GRIK2: variants seen among roughly 807,000 people sequenced by gnomAD.
GRIK2 encodes glutamate ionotropic receptor kainate type subunit 2.
GRIK2 carries 32 observed loss-of-function variants against 100.3 expected under a neutral mutation model. The ratio of observed to expected loss-of-function variants is 0.32; its 90% CI spans 0.24 to 0.43. The LOEUF (loss-of-function observed/expected upper bound fraction) is 0.43, where lower values mean the gene tolerates loss of function less well. Among genes scored for constraint, GRIK2 ranks in the 20% least tolerant of loss-of-function variants. The pLI is 1.00. For synonymous variants in GRIK2, 417 were observed against 389.4 expected, an observed-to-expected ratio of 1.07 and a Z score of -0.83; for missense variants, 843 against 1,114.9, an observed-to-expected ratio of 0.76 and a Z score of 3.47.
At chr6:101,648,897 A>C (rs1292489339) in intron 4 of GRIK2, among the ~76,000 whole-genome samples, 1 of 152,054 alleles carries the variant, frequency 6.6e-6, no homozygotes, top group Non-Finnish European at 1.5e-5. Context: ...TAAAGGAAAG[A>C]CATGTCTTAC....
At chr6:101,692,870 G>A (rs1772207573) in intron 7 of GRIK2, among the ~76,000 whole-genome samples, 1 of 152,012 alleles carries the variant, frequency 6.6e-6, no homozygotes, top group African/African-American at 2.4e-5. Flanking sequence ...AGTATGTAAT[G>A]AAGTCATAAG....
chr6:101,836,616 TA>T (rs199595576), intron 10 of GRIK2, among the ~76,000 whole-genome samples: 38,498 of 138,742 alleles, frequency 0.28, 8,266 homozygotes, highest in East Asian at 0.69. Context: ...GCTATATATA[TA>T]GTTATATATA....
chr6:101,832,743 C>T (rs774193943), intron 10 of GRIK2, among the ~76,000 whole-genome samples: 1 of 151,992 alleles, frequency 6.6e-6, no homozygotes, highest in Non-Finnish European at 1.5e-5. Flanking sequence ...AATCTTGAAC[C>T]CACTCTTTCA....
chr6:101,562,497 C>A (rs1026882976), intron 2 of GRIK2, among the ~76,000 whole-genome samples: 2 of 149,934 alleles, frequency 1.3e-5, no homozygotes, highest in African/African-American at 5.1e-5. Flanking sequence ...CACCACCAGG[C>A]CTGGCTAATT....
chr6:101,396,091 A>T (rs1027508519), intron 1 of GRIK2, among the ~76,000 whole-genome samples: 10 of 152,146 alleles, frequency 6.6e-5, no homozygotes, highest in African/African-American at 1.9e-4. Flanking sequence ...CTGTGTAAGG[A>T]ATTTATTAAT....
intron 7 of GRIK2, among the ~76,000 whole-genome samples, chr6:101,714,472 A>AG (rs57392197): frequency 4.0e-5 from 6 of 151,706 alleles, no homozygotes; most frequent in South Asian, 2.1e-4. Flanking sequence ...CTTAAAAAAA[A>AG]TAGACTTTAA....
At chr6:101,878,112 A>ATATT (rs1269156275) in intron 11 of GRIK2, among the ~76,000 whole-genome samples, 26 of 146,942 alleles carry the variant, frequency 1.8e-4, no homozygotes, top group Non-Finnish European at 2.8e-4. Flanking sequence ...ATATTATATT[A>ATATT]TATTATATTA....
chr6:101,628,474 T>G (rs529505295), intron 4 of GRIK2, among the ~76,000 whole-genome samples: 2 of 152,182 alleles, frequency 1.3e-5, no homozygotes, highest in East Asian at 3.9e-4. Context: ...CTATTAAATT[T>G]ATTATATTGC....
intron 7 of GRIK2, among the ~76,000 whole-genome samples, chr6:101,776,605 G>A (rs992042881): frequency 6.6e-6 from 1 of 152,152 alleles, no homozygotes; most frequent in African/African-American, 2.4e-5. Context: ...TTTACATGCT[G>A]TAGTGAAATT....
At chr6:101,595,442 A>G (rs537749931) in intron 2 of GRIK2, among the ~76,000 whole-genome samples, 4 of 151,798 alleles carry the variant, frequency 2.6e-5, no homozygotes, top group Admixed American at 1.3e-4. Flanking sequence ...ATAAAAACAG[A>G]TAGCTGGTCA....
chr6:101,769,677 A>C lies in GRIK2; in HGVS notation c.952-29971A>C, dbSNP rs74382834. On this transcript the variant is annotated intron_variant, in intron 7 of 16. Coordinates refer to ENST00000369134, the MANE Select transcript of GRIK2 (RefSeq NM_021956.5). ...TAAATGTATATACTTGTTTGTTCCAAATAACGAGGAAAGAATATTTTATGC... is the reference window on the plus strand; with the variant it reads ...TAAATGTATATACTTGTTTGTTCCACATAACGAGGAAAGAATATTTTATGC... Among the ~76,000 whole-genome samples the C allele has an allele frequency of 8.4e-3, 1,272 of 152,262 alleles. 19 individuals carry two copies. Among genetic ancestry groups the C allele is most frequent in the African/African-American group, 0.029 (1,186 of 41,556 alleles).
chr6:101,453,076 T>C (rs889106921), intron 2 of GRIK2, among the ~76,000 whole-genome samples: 5 of 151,928 alleles, frequency 3.3e-5, no homozygotes, highest in Admixed American at 3.3e-4. Flanking sequence ...CTCTACATAT[T>C]AAAGTTTTCA....
chr6:101,721,497 C>T (rs1407164650), intron 7 of GRIK2, among the ~76,000 whole-genome samples: 1 of 151,852 alleles, frequency 6.6e-6, no homozygotes, highest in Non-Finnish European at 1.5e-5. Context: ...GAGGTAGAGG[C>T]TACAATGAGC....
chr6:101,815,620 T>TAA (rs3995810), intron 9 of GRIK2, among the ~76,000 whole-genome samples: 28,571 of 141,954 alleles, frequency 0.2, 4,472 homozygotes, highest in East Asian at 0.64. Flanking sequence ...GTTTCAGAGC[T>TAA]AAAAAAAAAA....
intron 7 of GRIK2, among the ~76,000 whole-genome samples, chr6:101,788,455 C>T (rs1779590281): frequency 6.6e-6 from 1 of 151,726 alleles, no homozygotes; most frequent in East Asian, 2.0e-4. Context: ...TGAGAACATG[C>T]AGTGTTTGGT....
chr6:101,664,572 G>T (rs148222784), intron 4 of GRIK2, among the ~76,000 whole-genome samples: 2 of 152,324 alleles, frequency 1.3e-5, no homozygotes, highest in Non-Finnish European at 2.9e-5. Context: ...TTTTAGCCTT[G>T]GCATGGCCAA....
intron 2 of GRIK2, among the ~76,000 whole-genome samples, chr6:101,471,558 T>TTAAACATTTTTATAAATGTA (rs1370452629): frequency 2.6e-5 from 4 of 152,034 alleles, no homozygotes; most frequent in African/African-American, 9.7e-5. Flanking sequence ...GAAAATGACT[T>TTAAACATTTTTATAAATGTA]TAAACATTTT....
At chr6:101,730,758 G>C (rs1246165895) in intron 7 of GRIK2, among the ~76,000 whole-genome samples, 1 of 151,678 alleles carries the variant, frequency 6.6e-6, no homozygotes, top group African/African-American at 2.4e-5. Context: ...AAAAGAAAGA[G>C]AGAGGAACTT....
chr6:101,654,069 A>G (rs777625913), intron 4 of GRIK2, among the ~76,000 whole-genome samples: 2 of 152,300 alleles, frequency 1.3e-5, no homozygotes. Flanking sequence ...CTTTGTACCT[A>G]GGATAGCATC....
Sources: allele counts gnomAD v4.1 joint callset (sites outside exome capture counted in the v4.1 genomes callset), GRCh38; gene constraint gnomAD v4.1.1; transcripts MANE v1.5; gene names NCBI Gene and HGNC (gene_info 2026-07-23, HGNC 2026-07-21).